Variants in CRLF3 observed in about 807,000 individuals in gnomAD.
The protein encoded by CRLF3 is cytokine receptor-like factor 3.
A neutral mutation model predicts 55.0 loss-of-function variants in CRLF3; 33 were observed. That is an observed-to-expected ratio of 0.60 (90% CI 0.46 to 0.80). The LOEUF (loss-of-function observed/expected upper bound fraction) is 0.80, where lower values mean the gene tolerates loss of function less well. Among genes scored for constraint, CRLF3 ranks in the 30% least tolerant of loss-of-function variants. CRLF3 has a pLI of 0.00. For missense variants in CRLF3, 494 were observed against 538.4 expected, an observed-to-expected ratio of 0.92 and a Z score of 0.82; for synonymous variants, 238 against 196.8, an observed-to-expected ratio of 1.21 and a Z score of -1.75.
At chr17:30,787,311 A>G (rs2142241602) in intron 6 of CRLF3, 1 of 152,190 alleles carries the variant, frequency 6.6e-6, no homozygotes, top group South Asian at 2.1e-4. Flanking sequence ...TTTGTTAAGT[A>G]AATAAAGCAT....
intron 1 of CRLF3, among the ~76,000 whole-genome samples, chr17:30,804,590 C>T (rs1904332866): frequency 6.6e-6 from 1 of 152,162 alleles, no homozygotes; most frequent in African/African-American, 2.4e-5. Context: ...ATGTTTATTT[C>T]TGTATCTGGC....
At chr17:30,798,267 A>G (rs150236634) in intron 2 of CRLF3, among the ~76,000 whole-genome samples, 62 of 152,106 alleles carry the variant, frequency 4.1e-4, no homozygotes, top group African/African-American at 1.4e-3. Flanking sequence ...ATTCCCAGCT[A>G]CTAGGGAGGC....
intron 6 of CRLF3, among the ~76,000 whole-genome samples, chr17:30,789,364 A>T (rs1224997801): frequency 6.6e-6 from 1 of 152,240 alleles, no homozygotes; most frequent in Admixed American, 6.5e-5. Flanking sequence ...AATAAACCTA[A>T]CTATGCAATC....
intron 6 of CRLF3, among the ~76,000 whole-genome samples, chr17:30,789,666 AAAT>A (rs1298394785): frequency 6.6e-6 from 1 of 151,074 alleles, no homozygotes; most frequent in African/African-American, 2.4e-5. Context: ...TCCCTAAAAT[AAAT>A]AACCCATCTA....
At chr17:30,797,694 A>G (rs1171956390) in intron 2 of CRLF3, among the ~76,000 whole-genome samples, 1 of 152,114 alleles carries the variant, frequency 6.6e-6, no homozygotes, top group Non-Finnish European at 1.5e-5. Context: ...ACTTCTTTCC[A>G]TCTCTCCTAC....
chr17:30,823,313 C>T (rs1050748389), intron 1 of CRLF3, among the ~76,000 whole-genome samples: 26 of 151,350 alleles, frequency 1.7e-4, no homozygotes, highest in Admixed American at 3.3e-4. Flanking sequence ...TGCAGTGAGC[C>T]GAGATAGTGC....
Position 30,784,060 on chromosome 17 carries a change from C to A in CRLF3, c.*127G>T, listed in dbSNP as rs1971572909. 3 of 757,118 alleles carry A rather than the reference C, an allele frequency of 4.0e-6. No individual in the cohort carries two copies. In the South Asian group the frequency reaches 6.3e-5, roughly 16 times the overall value. 46.9% of individuals were successfully genotyped at this position (757,118 alleles called of 1,614,324 possible). ...TTTGCTAAAATATTACAAAATGAAT[C>A]CAGTAAACACTTTCCAATGGCCTAA... On this transcript the variant is annotated 3_prime_UTR_variant, in exon 8 of 8. Coordinates refer to ENST00000324238, the MANE Select transcript of CRLF3 (RefSeq NM_015986.4).
chr17:30,785,508 G>A (rs1421516452), intron 7 of CRLF3, among the ~76,000 whole-genome samples: 2 of 151,964 alleles, frequency 1.3e-5, no homozygotes, highest in Non-Finnish European at 2.9e-5. Flanking sequence ...AGCCAGCCAC[G>A]GTGGCTCACG....
Position 30,797,440 on chromosome 17 carries a change from A to G in CRLF3, c.338-42T>C, listed in dbSNP as rs371900166. Reference sequence around the variant, plus strand: ...GAGAACTAGAACAATGAAAATGGTCACATATAAAGTAATCAACACAACTCA... The same window carrying G: ...GAGAACTAGAACAATGAAAATGGTCGCATATAAAGTAATCAACACAACTCA... On this transcript the variant is annotated intron_variant, in intron 2 of 7. Coordinates refer to ENST00000324238, the MANE Select transcript of CRLF3 (RefSeq NM_015986.4). 8.0e-6 allele frequency: 12 copies of G among 1,500,082 alleles called. No individual in the cohort carries two copies. The African/African-American group carries it at 1.5e-4, about 19-fold the overall frequency. The allele number at this position is 1,500,082 out of a possible 1,614,324, so 92.9% of individuals were successfully genotyped here.
intron 2 of CRLF3, among the ~76,000 whole-genome samples, chr17:30,799,454 G>T (rs1182038926): frequency 6.6e-6 from 1 of 151,864 alleles, no homozygotes; most frequent in Non-Finnish European, 1.5e-5. Context: ...AAACTCTGGG[G>T]CTCAGGGGAT....
intron 1 of CRLF3, among the ~76,000 whole-genome samples, chr17:30,814,864 G>T (rs929620614): frequency 6.6e-6 from 1 of 151,608 alleles, no homozygotes; most frequent in Non-Finnish European, 1.5e-5. Flanking sequence ...AGCCGGGTGT[G>T]GTGGCACATG....
chr17:30,788,602 T>A (rs1209491734), intron 6 of CRLF3, among the ~76,000 whole-genome samples: 2 of 88,984 alleles, frequency 2.2e-5, no homozygotes, highest in Non-Finnish European at 4.8e-5. Flanking sequence ...GTGCCTTCTT[T>A]TTTTTTTTTT....
chr17:30,804,562 C>A (rs138372833), intron 1 of CRLF3, among the ~76,000 whole-genome samples: 2 of 152,342 alleles, frequency 1.3e-5, no homozygotes, highest in Non-Finnish European at 2.9e-5. Context: ...TTAGATTCTA[C>A]ATATGAGATC....
At chr17:30,796,395 GA>G in intron 3 of CRLF3, 58 bp from the exon 4 acceptor site, 1 of 1,405,056 alleles carries the variant, frequency 7.1e-7, no homozygotes, top group Non-Finnish European at 9.7e-7. Context: ...AAAAATACAA[GA>G]AATATTTTAG....
At chr17:30,784,465 T>G (rs1486236556) in intron 7 of CRLF3, 22 bp from the exon 8 acceptor site, 1 of 1,595,996 alleles carries the variant, frequency 6.3e-7, no homozygotes, top group Non-Finnish European at 8.6e-7. Context: ...AGGTAAAGAG[T>G]CATTTACATG....
chr17:30,796,165 A>G lies in CRLF3; in HGVS notation c.598T>C (p.Cys200Arg), dbSNP rs1345169005. 1 of 1,608,510 alleles carries G rather than the reference A, an allele frequency of 6.2e-7. No individual in the cohort carries two copies. The highest frequency in any genetic ancestry group is 8.5e-7 in the Non-Finnish European group (1 of 1,176,840). ...TAGAATTCTGAATTACATACCTTAC[A>G]CCATCGTACAATGATGCCTCCAGGT... ...EKPGGIIVRW[C>R]KVDDDFTAQD... Residue 200 changes from cysteine (C) to arginine (R), a missense_variant, in exon 4 of 8, where the codon TGT becomes CGT. Coordinates refer to ENST00000324238, the MANE Select transcript of CRLF3 (RefSeq NM_015986.4).
intron 1 of CRLF3, among the ~76,000 whole-genome samples, chr17:30,823,004 G>C (rs1252169272): frequency 6.6e-6 from 1 of 152,118 alleles, no homozygotes; most frequent in Non-Finnish European, 1.5e-5. Context: ...TCTAGATTCT[G>C]CTTCCGGTTT....
chr17:30,798,576 T>G (rs938929165), intron 2 of CRLF3, among the ~76,000 whole-genome samples: 2 of 152,102 alleles, frequency 1.3e-5, no homozygotes, highest in Admixed American at 1.3e-4. Context: ...CTGTGGCTCA[T>G]GCCTATAATC....
intron 3 of CRLF3, among the ~76,000 whole-genome samples, 166 bp from the exon 4 acceptor site, chr17:30,796,503 A>G (rs1273939251): frequency 6.6e-6 from 1 of 152,190 alleles, no homozygotes; most frequent in East Asian, 1.9e-4. Context: ...CTCTTTTCAA[A>G]TAAATATAAG....
Sources: gnomAD v4.1 joint callset for allele counts (sites outside exome capture counted in the v4.1 genomes callset) on GRCh38, gnomAD v4.1.1 for gene constraint, MANE v1.5 for transcripts, NCBI Gene and HGNC (gene_info 2026-07-23, HGNC 2026-07-21) for gene names.